SYBU: variants seen among roughly 807,000 people sequenced by gnomAD.
SYBU encodes syntabulin, also known as GOLSYN A protein.
In SYBU, 21 loss-of-function variants were observed where a neutral mutation model predicts 35.9. The ratio of observed to expected loss-of-function variants is 0.58; its 90% CI spans 0.41 to 0.84. SYBU has a LOEUF of 0.84. Among genes scored for constraint, SYBU ranks in the 40% least tolerant of loss-of-function variants. SYBU has a pLI of 0.00. For missense variants in SYBU, 768 were observed against 848.2 expected (o/e 0.91, Z 1.17); for synonymous variants, 319 against 324.3 (o/e 0.98, Z 0.18).
chr8:109,594,755 G>T lies in SYBU; in HGVS notation c.428-8593C>A, dbSNP rs111421316. On this transcript the variant is annotated intron_variant, in intron 3 of 6. Coordinates refer to ENST00000276646, the MANE Select transcript of SYBU (RefSeq NM_001099754.2). Reference sequence around the variant, plus strand: ...AGTAGCACTGACCTCCACCTCCACTGCATTTAAACAGAGCAGAGTTCTGAC... The same window carrying T: ...AGTAGCACTGACCTCCACCTCCACTTCATTTAAACAGAGCAGAGTTCTGAC... Among the ~76,000 whole-genome samples the T allele has an allele frequency of 4.3e-4, 65 of 152,212 alleles. 1 individual carries two copies. The highest frequency in any genetic ancestry group is 3.4e-3 in the Middle Eastern group (1 of 294).
At chr8:109,639,111 A>G (rs971685622) in intron 2 of SYBU, among the ~76,000 whole-genome samples, 1 of 152,214 alleles carries the variant, frequency 6.6e-6, no homozygotes, top group Admixed American at 6.5e-5. Flanking sequence ...AAATAGTTCT[A>G]TTCTTTTCAT....
intron 3 of SYBU, among the ~76,000 whole-genome samples, chr8:109,609,314 G>A (rs1810918381): frequency 6.6e-6 from 1 of 152,190 alleles, no homozygotes; most frequent in South Asian, 2.1e-4. Context: ...AGAGTCAACT[G>A]ATGGAATTGT....
intron 3 of SYBU, among the ~76,000 whole-genome samples, chr8:109,590,905 A>C (rs2129818549): frequency 6.6e-6 from 1 of 152,310 alleles, no homozygotes; most frequent in Middle Eastern, 3.4e-3. Flanking sequence ...AGGTAAGGAG[A>C]CTGTTTTCAT....
intron 2 of SYBU, among the ~76,000 whole-genome samples, chr8:109,622,723 C>T (rs1047823335): frequency 2.6e-5 from 4 of 152,042 alleles, no homozygotes; most frequent in East Asian, 1.9e-4. Flanking sequence ...CTGAATTTTC[C>T]TGTACAATCT....
rs1182907174 is a variant in SYBU at position 109,644,741 on chromosome 8, G to T, written c.-82C>A. On this transcript the variant is annotated 5_prime_UTR_variant, in exon 1 of 7. Coordinates refer to ENST00000276646, the MANE Select transcript of SYBU (RefSeq NM_001099754.2). The stretch of plus-strand genomic sequence containing the variant: ...CCTGCGAGCACGGAGCGAGGAGACT[G>T]CGCTGAGCCGGCGCGGGCTGCGGGC... 3.8e-6 allele frequency: 5 copies of T among 1,299,152 alleles called. No homozygotes were observed. The East Asian group carries it at 1.6e-4, about 41-fold the overall frequency. 80.5% of individuals were successfully genotyped at this position (1,299,152 alleles called of 1,614,324 possible).
intron 1 of SYBU, among the ~76,000 whole-genome samples, chr8:109,690,036 C>T (rs1367483823): frequency 2.0e-5 from 3 of 151,942 alleles, no homozygotes; most frequent in South Asian, 2.1e-4. Flanking sequence ...ATGATATCAC[C>T]TTAAAGACTA....
intron 1 of SYBU, among the ~76,000 whole-genome samples, chr8:109,664,956 G>C (rs974210366): frequency 6.6e-6 from 1 of 152,126 alleles, no homozygotes; most frequent in Middle Eastern, 3.2e-3. Context: ...ATTAGCAAAT[G>C]ATATATTCTA....
chr8:109,640,064 A>G (rs1814684649), intron 2 of SYBU, among the ~76,000 whole-genome samples: 2 of 152,218 alleles, frequency 1.3e-5, no homozygotes, highest in Admixed American at 1.3e-4. Context: ...AGGCCCAGGA[A>G]TGGAGGAAAT....
At chr8:109,576,084 A>C (rs929077508) in intron 6 of SYBU, 71 bp from the exon 7 acceptor site, 3 of 1,441,868 alleles carry the variant, frequency 2.1e-6, no homozygotes, top group Non-Finnish European at 1.8e-6. Flanking sequence ...TCAACTGGGC[A>C]ACAGGCAGTT....
intron 4 of SYBU, 123 bp from the exon 5 acceptor site, chr8:109,580,125 C>T (rs1045305319): frequency 2.2e-5 from 20 of 895,894 alleles, no homozygotes; most frequent in Non-Finnish European, 3.0e-5. Flanking sequence ...TACAATTATT[C>T]GTGTAGACTG....
Position 109,575,970 on chromosome 8 carries a change from G to T in SYBU, c.928C>A (p.Arg310=), listed in dbSNP as rs779414382. 2.8e-5 allele frequency: 45 copies of T among 1,606,142 alleles called. No homozygotes were observed. Among genetic ancestry groups the T allele is most frequent in the South Asian group, 1.1e-4 (10 of 90,928 alleles). ...CACTCCTCCTCAATCCAGTCCTCTC[G>T]CATGCGGGCCAGCTGGGACTTAAGC... ...VELKSQLARM[R]EDWIEEECHR... The change falls in exon 7 of 7, where the codon CGA becomes AGA. Residue 310 remains arginine, a synonymous_variant. Transcript: ENST00000276646.
intron 5 of SYBU, among the ~76,000 whole-genome samples, chr8:109,578,805 TA>T (rs2131204337): frequency 6.6e-6 from 1 of 152,318 alleles, no homozygotes; most frequent in African/African-American, 2.4e-5. Context: ...TGCCACTGCC[TA>T]AAGATCCTGA....
At chr8:109,586,803 G>T (rs1448781939) in intron 3 of SYBU, among the ~76,000 whole-genome samples, 1 of 152,144 alleles carries the variant, frequency 6.6e-6, no homozygotes, top group Non-Finnish European at 1.5e-5. Context: ...CTGAAATTTG[G>T]AATTTTAGCT....
chr8:109,603,082 G>C (rs1281714339), intron 3 of SYBU, among the ~76,000 whole-genome samples: 1 of 152,208 alleles, frequency 6.6e-6, no homozygotes, highest in Non-Finnish European at 1.5e-5. Context: ...ACAGAGCCCA[G>C]TGTCCGCCCC....
chr8:109,625,214 T>C (rs1318916873), intron 2 of SYBU, among the ~76,000 whole-genome samples: 1 of 152,152 alleles, frequency 6.6e-6, no homozygotes, highest in East Asian at 1.9e-4. Flanking sequence ...CTTTAAAATG[T>C]TTCCACAAAG....
At position 109,579,916 on chromosome 8, in the gene SYBU, G is replaced by A; in HGVS notation, c.617C>T (p.Ser206Phe). 6.2e-7 allele frequency: 1 copy of A among 1,614,052 alleles called. No individual in the cohort carries two copies. The highest frequency in any genetic ancestry group is 8.5e-7 in the Non-Finnish European group (1 of 1,180,026). ...GCTCAGCTGATTCCTGCACAGCATG[G>A]ACAGAAGGTCCTTTTCCCGCGGGGA... ...PSSPREKDLL[S>F]MLCRNQLSPV... The change falls in exon 5 of 7, where the codon TCC becomes TTC. Residue 206 changes from serine to phenylalanine, a missense_variant. Coordinates refer to ENST00000276646, the MANE Select transcript of SYBU (RefSeq NM_001099754.2).
At chr8:109,610,471 C>T (rs779964748) in intron 3 of SYBU, among the ~76,000 whole-genome samples, 5 of 152,210 alleles carry the variant, frequency 3.3e-5, no homozygotes, top group Non-Finnish European at 7.3e-5. Flanking sequence ...TCCTTCAGAG[C>T]GTCACCTTCT....
upstream of SYBU, chr8:109,645,513 A>T (rs1815567306): frequency 5.5e-6 from 2 of 360,624 alleles, no homozygotes; most frequent in African/African-American, 4.3e-5. Context: ...GCTCCAGCAC[A>T]CTGCTAAGGG....
intron 3 of SYBU, among the ~76,000 whole-genome samples, chr8:109,604,449 TC>T (rs755050396): frequency 5.9e-5 from 9 of 152,254 alleles, no homozygotes; most frequent in Admixed American, 1.3e-4. Flanking sequence ...CATACAGGGA[TC>T]CCCTAGTTTA....
Sources: gnomAD v4.1 joint callset for allele counts (sites outside exome capture counted in the v4.1 genomes callset) on GRCh38, gnomAD v4.1.1 for gene constraint, MANE v1.5 for transcripts, NCBI Gene and HGNC (gene_info 2026-07-23, HGNC 2026-07-21) for gene names.